CHI3L2: variants seen among roughly 807,000 people sequenced by gnomAD.
CHI3L2 encodes the protein chitinase-3-like protein 2.
Under a neutral mutation model 47.3 loss-of-function variants are expected in CHI3L2, and 47 were observed. That is an observed-to-expected ratio of 0.99 (90% CI 0.79 to 1.27). CHI3L2 has a LOEUF of 1.27. Among genes scored for constraint, CHI3L2 ranks in the 50% most tolerant of loss-of-function variants. The probability of loss-of-function intolerance (pLI) is 0.00; values close to 1 mark genes in which losing one functional copy is unlikely to be tolerated. For missense variants in CHI3L2, 497 were observed against 462.1 expected, an observed-to-expected ratio of 1.08 and a Z score of -0.69; for synonymous variants, 198 against 169.9, an observed-to-expected ratio of 1.17 and a Z score of -1.28.
chr1:111,234,759 C>T (rs1299355344), intron 4 of CHI3L2, 148 bp from the exon 5 acceptor site: 3 of 722,824 alleles, frequency 4.2e-6, no homozygotes, highest in African/African-American at 1.8e-5. Flanking sequence ...TTTCTCTCGT[C>T]TGTTCCAAAA....
intron 1 of CHI3L2, among the ~76,000 whole-genome samples, chr1:111,227,992 G>A: frequency 6.6e-6 from 1 of 152,218 alleles, no homozygotes; most frequent in East Asian, 1.9e-4. Flanking sequence ...CTGGCAGGAT[G>A]TTCTCAGTTT....
At chr1:111,238,675 T>G in intron 7 of CHI3L2, 75 bp from the exon 8 acceptor site, 1 of 1,489,194 alleles carries the variant, frequency 6.7e-7, no homozygotes, top group Non-Finnish European at 9.3e-7. Context: ...CTGTGAAGTT[T>G]GGGATAGAGG....
intron 2 of CHI3L2, 95 bp from the exon 3 acceptor site, chr1:111,230,647 A>G: frequency 9.7e-7 from 1 of 1,025,740 alleles, no homozygotes; most frequent in Non-Finnish European, 1.5e-6. Context: ...GAATGAGCAA[A>G]TGATGCAATG....
chr1:111,228,491 G>A (rs1659594090), intron 1 of CHI3L2, among the ~76,000 whole-genome samples: 1 of 152,222 alleles, frequency 6.6e-6, no homozygotes, highest in African/African-American at 2.4e-5. Context: ...CCTTGACAGG[G>A]TAGAGCCCGT....
At chr1:111,241,280 C>T (rs2101557855) in intron 8 of CHI3L2, 47 bp from the exon 9 acceptor site, 1 of 1,065,768 alleles carries the variant, frequency 9.4e-7, no homozygotes, top group East Asian at 2.3e-5. Flanking sequence ...AACCAAGTTT[C>T]AAGAATAACC....
chr1:111,229,725 C>CTGG (rs1553175068), intron 1 of CHI3L2, 127 bp from the exon 2 acceptor site: 1 of 1,142,770 alleles, frequency 8.8e-7, no homozygotes, highest in African/African-American at 1.8e-5. Flanking sequence ...GCAGCTGTGG[C>CTGG]TGGGGAGCCC....
chr1:111,228,723 G>A (rs1221581271), intron 1 of CHI3L2, among the ~76,000 whole-genome samples: 1 of 152,224 alleles, frequency 6.6e-6, no homozygotes, highest in East Asian at 1.9e-4. Context: ...GTCATTGAAA[G>A]TTTTCTCTCC....
chr1:111,231,927 A>G (rs1172363880), intron 4 of CHI3L2, among the ~76,000 whole-genome samples: 1 of 152,276 alleles, frequency 6.6e-6, no homozygotes, highest in Non-Finnish European at 1.5e-5. Flanking sequence ...AAGGATAAAT[A>G]TCACATTTTT....
chr1:111,241,377 G>T lies in CHI3L2; in HGVS notation c.969G>T (p.Gln323His). 1 of 1,610,394 alleles carries T rather than the reference G, an allele frequency of 6.2e-7. No individual in the cohort carries two copies. The highest frequency in any genetic ancestry group is 8.5e-7 in the Non-Finnish European group (1 of 1,176,520). Reference protein sequence around the residue: ...GAKITRLQDQQVPYAVKGNQW... With the variant: ...GAKITRLQDQHVPYAVKGNQW... ...AGATCACGCGGCTCCAGGATCAGCA[G>T]GTTCCCTACGCAGTCAAGGGGAACC... Residue 323 changes from glutamine (Q) to histidine (H), a missense_variant, in exon 9 of 11, where the codon CAG becomes CAT. Transcript: ENST00000369748.
intron 8 of CHI3L2, 40 bp from the exon 9 acceptor site, chr1:111,241,287 A>G (rs767323682): frequency 9.1e-7 from 1 of 1,100,482 alleles, no homozygotes; most frequent in Non-Finnish European, 1.4e-6. Flanking sequence ...TTTCAAGAAT[A>G]ACCCATTACT....
intron 10 of CHI3L2, 128 bp downstream of exon 10, chr1:111,242,494 G>A: frequency 9.6e-7 from 1 of 1,036,790 alleles, no homozygotes; most frequent in Non-Finnish European, 1.3e-6. Flanking sequence ...CTTCTGCCAT[G>A]TTTTCTTAGC....
At chr1:111,229,328 G>A (rs1344470225) in intron 1 of CHI3L2, among the ~76,000 whole-genome samples, 15 of 152,160 alleles carry the variant, frequency 9.9e-5, no homozygotes, top group Non-Finnish European at 1.5e-4. Context: ...CTTGGAACAT[G>A]TTTCTGCCTA....
intron 2 of CHI3L2, 141 bp from the exon 3 acceptor site, chr1:111,230,601 A>C: frequency 1.5e-6 from 1 of 679,964 alleles, no homozygotes; most frequent in Non-Finnish European, 2.5e-6. Context: ...GCCAGCACTA[A>C]AGGCCCAGGC....
At chr1:111,240,808 G>A (rs1368396974) in intron 8 of CHI3L2, among the ~76,000 whole-genome samples, 1 of 152,184 alleles carries the variant, frequency 6.6e-6, no homozygotes, top group African/African-American at 2.4e-5. Context: ...AGGGCATATT[G>A]GATATGGGAC....
intron 4 of CHI3L2, 59 bp downstream of exon 4, chr1:111,231,353 T>G: frequency 7.6e-7 from 1 of 1,311,738 alleles, no homozygotes; most frequent in South Asian, 1.2e-5. Flanking sequence ...TCATCATCAT[T>G]TTTCCTCCTT....
chr1:111,240,853 A>G (rs1285754568), intron 8 of CHI3L2, among the ~76,000 whole-genome samples: 1 of 152,188 alleles, frequency 6.6e-6, no homozygotes, highest in Non-Finnish European at 1.5e-5. Flanking sequence ...TTAAGTGGAG[A>G]TGCTACAAGA....
At chr1:111,228,157 ATT>A (rs1043379120) in intron 1 of CHI3L2, among the ~76,000 whole-genome samples, 2 of 152,096 alleles carry the variant, frequency 1.3e-5, no homozygotes, top group African/African-American at 4.8e-5. Context: ...AGAGCCCCAC[ATT>A]TCTCATCTGC....
rs1420132348 is a variant in CHI3L2, at chr1:111,227,856, C to T, written c.40+87C>T. ...GTAGAAGAAGTAATCTTCCTCCTTT[C>T]CTGGGACTTCAGTCTTTCCGTTGAC... is the stretch of plus-strand genomic sequence containing the variant. On this transcript the variant is annotated intron_variant, in intron 1 of 10. Transcript: ENST00000369748. 8 of 1,325,134 alleles carry T rather than the reference C, an allele frequency of 6.0e-6. No individual in the cohort carries two copies. The Admixed American group carries it at 1.2e-4, about 20-fold the overall frequency. The allele number at this position is 1,325,134 out of a possible 1,614,324, so 82.1% of individuals were successfully genotyped here.
chr1:111,241,469 C>T (rs1233330992), intron 9 of CHI3L2, 26 bp downstream of exon 9: 1 of 1,143,412 alleles, frequency 8.7e-7, no homozygotes, highest in Admixed American at 1.7e-5. Context: ...GCAGATACTC[C>T]TTTAGGTGGG....
Sources: gnomAD v4.1 joint callset for allele counts (sites outside exome capture counted in the v4.1 genomes callset) on GRCh38, gnomAD v4.1.1 for gene constraint, MANE v1.5 for transcripts, NCBI Gene and HGNC (gene_info 2026-07-23, HGNC 2026-07-21) for gene names.